Variants in SKAP2 observed in about 807,000 individuals in gnomAD.
SKAP2 encodes the protein src kinase-associated phosphoprotein 2.
In SKAP2, 28 loss-of-function variants were observed where a neutral mutation model predicts 54.9. The observed-to-expected ratio is 0.51, with a 90% confidence interval of 0.38 to 0.70. The LOEUF is 0.70. Ranked by LOEUF, SKAP2 falls within the 30% of genes least tolerant of loss-of-function variation. SKAP2 has a pLI of 0.00. For missense variants in SKAP2, 356 were observed against 424.1 expected (o/e 0.84, Z 1.41); for synonymous variants, 137 against 134.3 (o/e 1.02, Z -0.14).
chr7:26,724,671 A>T (rs1355515485), intron 9 of SKAP2, among the ~76,000 whole-genome samples: 1 of 152,158 alleles, frequency 6.6e-6, no homozygotes, highest in Non-Finnish European at 1.5e-5. Context: ...ATTTTTTAAT[A>T]GCCAAAAAAG....
intron 6 of SKAP2, among the ~76,000 whole-genome samples, chr7:26,736,054 C>T (rs1490927014): frequency 2.0e-5 from 3 of 152,136 alleles, no homozygotes; most frequent in East Asian, 1.9e-4. Flanking sequence ...AAAAGGAATG[C>T]TAAAATGGTA....
intron 9 of SKAP2, among the ~76,000 whole-genome samples, chr7:26,703,615 T>C (rs1397694448): frequency 6.6e-6 from 1 of 152,124 alleles, no homozygotes; most frequent in Non-Finnish European, 1.5e-5. Flanking sequence ...TGAACCTCAG[T>C]TTTTTCATCT....
chr7:26,687,313 G>A (rs746117652), intron 10 of SKAP2, among the ~76,000 whole-genome samples: 2 of 151,616 alleles, frequency 1.3e-5, no homozygotes, highest in Admixed American at 1.3e-4. Context: ...AGGCAACAGA[G>A]CTAGTGATTT....
intron 3 of SKAP2, among the ~76,000 whole-genome samples, chr7:26,849,777 C>T (rs1273343769): frequency 6.6e-6 from 1 of 151,104 alleles, no homozygotes; most frequent in African/African-American, 2.4e-5. Context: ...AATAAATATG[C>T]CCTTCTTTTA....
intron 9 of SKAP2, among the ~76,000 whole-genome samples, chr7:26,710,984 C>T (rs1787287955): frequency 6.6e-6 from 1 of 151,904 alleles, no homozygotes; most frequent in Admixed American, 6.6e-5. Flanking sequence ...ATTAACTCAC[C>T]CTATACTTAT....
intron 11 of SKAP2, among the ~76,000 whole-genome samples, chr7:26,675,648 AT>A (rs1343683583): frequency 5.9e-5 from 9 of 152,208 alleles, no homozygotes; most frequent in Admixed American, 4.6e-4. Context: ...TATCCTAAAT[AT>A]TTTCTTAAGA....
intron 4 of SKAP2, among the ~76,000 whole-genome samples, chr7:26,759,210 C>A (rs1401618876): frequency 6.6e-6 from 1 of 152,160 alleles, no homozygotes; most frequent in Non-Finnish European, 1.5e-5. Flanking sequence ...ACAACCTTAA[C>A]CATAACAGCT....
intron 10 of SKAP2, among the ~76,000 whole-genome samples, chr7:26,688,712 A>AT (rs957541654): frequency 4.6e-5 from 7 of 152,128 alleles, no homozygotes; most frequent in Non-Finnish European, 7.4e-5. Context: ...AGGAAAACTG[A>AT]TTTTTTTTCC....
In SKAP2 at chr7:26,777,535, T is replaced by A. The variant is rs141367167; in HGVS notation, c.308-37571A>T. On this transcript the variant is annotated intron_variant, in intron 4 of 12. Coordinates refer to ENST00000345317, the MANE Select transcript of SKAP2 (RefSeq NM_003930.5). ...TTCTTGCTATGCCTTTAACCAGTGA[T>A]AACAGACTGATCAATCTACACCCCT... 2.1e-3 allele frequency among the ~76,000 whole-genome samples: 321 copies of A among 152,018 alleles called. 1 individual carries two copies. Among genetic ancestry groups the A allele is most frequent in the Non-Finnish European group, 3.1e-3 (211 of 67,934 alleles).
downstream of SKAP2, among the ~76,000 whole-genome samples, chr7:26,663,216 T>C (rs924799954): frequency 2.6e-5 from 4 of 152,244 alleles, no homozygotes; most frequent in South Asian, 2.1e-4. Flanking sequence ...TCTTGGGCTA[T>C]AAGACAGTCA....
At chr7:26,822,520 T>G (rs570840) in intron 4 of SKAP2, among the ~76,000 whole-genome samples, 78,239 of 151,658 alleles carry the variant, frequency 0.52, 20,887 homozygotes, top group East Asian at 0.86. Context: ...CCTATCTCTC[T>G]GCCTCTCCTT....
intron 4 of SKAP2, among the ~76,000 whole-genome samples, chr7:26,785,558 T>C (rs998605285): frequency 1.3e-5 from 2 of 152,190 alleles, no homozygotes; most frequent in Non-Finnish European, 2.9e-5. Flanking sequence ...AGAATATAAA[T>C]GGAGGCCCAC....
intron 4 of SKAP2, among the ~76,000 whole-genome samples, chr7:26,751,749 T>C (rs1468074351): frequency 6.6e-6 from 1 of 152,192 alleles, no homozygotes; most frequent in Non-Finnish European, 1.5e-5. Flanking sequence ...TACATTCTTA[T>C]CTATTATTAT....
chr7:26,851,429 G>A (rs978274041), intron 3 of SKAP2, among the ~76,000 whole-genome samples: 7 of 152,006 alleles, frequency 4.6e-5, no homozygotes, highest in Non-Finnish European at 1.5e-5. Context: ...GAGACGCAGA[G>A]TGAGAGACCC....
chr7:26,741,538 C>CTAAATAAATAAA (rs370860741), intron 4 of SKAP2, among the ~76,000 whole-genome samples: 1 of 80,522 alleles, frequency 1.2e-5, no homozygotes, highest in Non-Finnish European at 2.3e-5. Flanking sequence ...GACCCTGTCT[C>CTAAATAAATAAA]TAAATAAATA....
chr7:26,787,767 T>C (rs1783584489), intron 4 of SKAP2, among the ~76,000 whole-genome samples: 1 of 152,160 alleles, frequency 6.6e-6, no homozygotes, highest in Non-Finnish European at 1.5e-5. Context: ...TCGCATACTA[T>C]TGCAGGGACA....
chr7:26,828,664 G>T (rs1328931007), intron 4 of SKAP2, among the ~76,000 whole-genome samples: 1 of 142,804 alleles, frequency 7.0e-6, no homozygotes, highest in African/African-American at 2.6e-5. Context: ...GCGACAGAGT[G>T]AGACTCTGTC....
At chr7:26,750,588 G>C (rs966615344) in intron 4 of SKAP2, among the ~76,000 whole-genome samples, 2 of 152,062 alleles carry the variant, frequency 1.3e-5, no homozygotes, top group Admixed American at 1.3e-4. Flanking sequence ...TAGGATTATA[G>C]GTGTGAGCCA....
At chr7:26,850,605 A>AT (rs1562635505) in intron 3 of SKAP2, among the ~76,000 whole-genome samples, 3 of 151,954 alleles carry the variant, frequency 2.0e-5, no homozygotes, top group Non-Finnish European at 4.4e-5. Flanking sequence ...AGAAAAAAAA[A>AT]GGAAAAAGAA....
Sources: allele counts gnomAD v4.1 joint callset (sites outside exome capture counted in the v4.1 genomes callset), GRCh38; gene constraint gnomAD v4.1.1; transcripts MANE v1.5; gene names NCBI Gene and HGNC (gene_info 2026-07-23, HGNC 2026-07-21).